PFDN1: variants seen among roughly 807,000 people sequenced by gnomAD.
PFDN1 encodes prefoldin subunit 1.
A neutral mutation model predicts 17.3 loss-of-function variants in PFDN1; 6 were observed. The observed-to-expected ratio is 0.35, with a 90% CI of 0.19 to 0.69. The LOEUF is 0.69. PFDN1 is among the 30% of genes least tolerant of loss of function. The pLI is 0.65. For missense variants in PFDN1, 113 were observed against 146.2 expected (o/e 0.77, Z 1.17); for synonymous variants, 58 against 50.1 (o/e 1.16, Z -0.67).
intron 3 of PFDN1, among the ~76,000 whole-genome samples, chr5:140,256,151 C>T (rs540646210): frequency 1.9e-4 from 29 of 152,270 alleles, no homozygotes; most frequent in Middle Eastern, 3.4e-3. Flanking sequence ...GCTCAGCTTC[C>T]GAATGCTGCA....
intron 1 of PFDN1, among the ~76,000 whole-genome samples, chr5:140,301,428 T>A (rs1765744607): frequency 6.6e-6 from 1 of 152,216 alleles, no homozygotes; most frequent in Non-Finnish European, 1.5e-5. Flanking sequence ...GGAATGACTT[T>A]CACATGCTGT....
At chr5:140,256,808 T>G (rs1764994143) in intron 3 of PFDN1, among the ~76,000 whole-genome samples, 1 of 151,912 alleles carries the variant, frequency 6.6e-6, no homozygotes, top group Non-Finnish European at 1.5e-5. Flanking sequence ...ATTCCCAAAC[T>G]CTACTCTTCT....
chr5:140,255,104 C>T (rs1459011587), intron 3 of PFDN1, among the ~76,000 whole-genome samples: 1 of 152,186 alleles, frequency 6.6e-6, no homozygotes, highest in East Asian at 1.9e-4. Flanking sequence ...TTTATATGTT[C>T]ATTGTCTGCT....
chr5:140,271,294 C>T (rs1451876193), intron 3 of PFDN1, among the ~76,000 whole-genome samples: 7 of 151,986 alleles, frequency 4.6e-5, no homozygotes, highest in Admixed American at 3.9e-4. Context: ...CCTAAATAAC[C>T]GAAAACTATT....
intron 3 of PFDN1, among the ~76,000 whole-genome samples, chr5:140,264,230 A>G (rs1638963579): frequency 6.6e-6 from 1 of 151,954 alleles, no homozygotes; most frequent in Non-Finnish European, 1.5e-5. Context: ...ATCTGCCCTC[A>G]TGATCCAATC....
chr5:140,283,061 T>A (rs1765433992), intron 2 of PFDN1, among the ~76,000 whole-genome samples: 1 of 152,152 alleles, frequency 6.6e-6, no homozygotes, highest in Admixed American at 6.5e-5. Context: ...ATTATAGATA[T>A]AAGACAAGTA....
chr5:140,248,450 G>A lies in PFDN1; in HGVS notation c.286-2393C>T, dbSNP rs147394341. 4.6e-5 allele frequency among the ~76,000 whole-genome samples: 7 copies of A among 152,310 alleles called. No homozygotes were observed. In the East Asian group the frequency reaches 1.4e-3, roughly 29 times the overall value. On this transcript the variant is annotated intron_variant, in intron 3 of 3. Transcript: ENST00000261813. The stretch of plus-strand genomic sequence containing the variant: ...CCCTGACACACACTAAAGAATGTAT[G>A]TCCACTGGGTGTCACAAAGAGGGGA...
chr5:140,278,557 C>CAAAAAAAA (rs113129230), intron 3 of PFDN1, among the ~76,000 whole-genome samples: 144 of 79,008 alleles, frequency 1.8e-3, no homozygotes, highest in East Asian at 5.2e-3. Context: ...GACTCTGTCT[C>CAAAAAAAA]AAAAAAAAAA....
chr5:140,280,042 A>G (rs1232920316), intron 3 of PFDN1, among the ~76,000 whole-genome samples: 1 of 150,732 alleles, frequency 6.6e-6, no homozygotes, highest in Admixed American at 6.6e-5. Context: ...GAAAAGAAAG[A>G]AAGAAAAAGA....
chr5:140,248,989 C>T (rs982020339), intron 3 of PFDN1, among the ~76,000 whole-genome samples: 9 of 152,194 alleles, frequency 5.9e-5, no homozygotes, highest in African/African-American at 1.2e-4. Flanking sequence ...TTTAAATAAA[C>T]GTAGTAGACA....
intron 2 of PFDN1, among the ~76,000 whole-genome samples, chr5:140,286,650 G>T (rs1248802548): frequency 7.3e-6 from 1 of 136,844 alleles, no homozygotes; most frequent in African/African-American, 2.7e-5. Context: ...CTGTTGCCCA[G>T]GCTGGAGTAC....
intron 3 of PFDN1, among the ~76,000 whole-genome samples, chr5:140,261,488 A>G (rs1381795763): frequency 6.6e-6 from 1 of 152,206 alleles, no homozygotes; most frequent in Non-Finnish European, 1.5e-5. Flanking sequence ...CAACTAAAAA[A>G]ATAGAGATAC....
At chr5:140,291,550 G>T (rs1765581511) in intron 2 of PFDN1, among the ~76,000 whole-genome samples, 1 of 152,024 alleles carries the variant, frequency 6.6e-6, no homozygotes, top group African/African-American at 2.4e-5. Context: ...GAATATACAA[G>T]TCTGGAGTTC....
rs146727342 is a variant in PFDN1 at position 140,284,694 on chromosome 5, A to C, written c.201-3161T>G. On this transcript the variant is annotated intron_variant, in intron 2 of 3. Coordinates refer to ENST00000261813, the MANE Select transcript of PFDN1 (RefSeq NM_002622.5). ...AAGGAAAAATAAACCATGAAGAGGGAAAGTATTCTCTCATGACAAATAATA... is the reference window on the plus strand; with the variant it reads ...AAGGAAAAATAAACCATGAAGAGGGCAAGTATTCTCTCATGACAAATAATA... Among the ~76,000 whole-genome samples the C allele has an allele frequency of 7.3e-4, 111 of 152,356 alleles. No individual in the cohort carries two copies. The Middle Eastern group carries it at 0.02, about 28-fold the overall frequency.
intron 2 of PFDN1, among the ~76,000 whole-genome samples, chr5:140,284,248 C>T (rs980134590): frequency 2.0e-4 from 30 of 152,186 alleles, no homozygotes; most frequent in African/African-American, 7.0e-4. Context: ...CTACTACAAA[C>T]CTAAGGACAT....
chr5:140,291,654 C>T (rs1765582869), intron 2 of PFDN1, among the ~76,000 whole-genome samples: 1 of 146,108 alleles, frequency 6.8e-6, no homozygotes, highest in Admixed American at 7.0e-5. Flanking sequence ...TATTAAGAGA[C>T]TGAGTACATA....
At chr5:140,246,439 T>C (rs1480233324) in intron 3 of PFDN1, among the ~76,000 whole-genome samples, 1 of 152,242 alleles carries the variant, frequency 6.6e-6, no homozygotes, top group African/African-American at 2.4e-5. Context: ...CTCTCAAGGT[T>C]TTCCATGGCC....
intron 3 of PFDN1, among the ~76,000 whole-genome samples, chr5:140,280,014 C>CAAAAAAAAAAAAAAAAAAAAAAAA (rs5871731): frequency 7.1e-5 from 7 of 99,120 alleles, no homozygotes; most frequent in African/African-American, 2.0e-4. Context: ...AAAAAAAAAA[C>CAAAAAAAAAAAAAAAAAAAAAAAA]AAAAAAAGAA....
chr5:140,253,969 C>T (rs1764951896), intron 3 of PFDN1, among the ~76,000 whole-genome samples: 1 of 152,176 alleles, frequency 6.6e-6, no homozygotes, highest in South Asian at 2.1e-4. Context: ...CAATCCCTCC[C>T]GGGTGGCTGT....
Sources: allele counts gnomAD v4.1 joint callset (sites outside exome capture counted in the v4.1 genomes callset), GRCh38; gene constraint gnomAD v4.1.1; transcripts MANE v1.5; gene names NCBI Gene and HGNC (gene_info 2026-07-23, HGNC 2026-07-21).